OR4D11: variants seen among roughly 807,000 people sequenced by gnomAD.
OR4D11 encodes the protein olfactory receptor 4D11.
In OR4D11, 11 loss-of-function variants were observed where a neutral mutation model predicts 11.7. The ratio of observed to expected loss-of-function variants is 0.94; its 90% CI spans 0.59 to 1.56. The LOEUF (loss-of-function observed/expected upper bound fraction) is 1.56, where lower values mean the gene tolerates loss of function less well. Among genes scored for constraint, OR4D11 ranks in the 40% most tolerant of loss-of-function variants. The pLI, the probability that OR4D11 is intolerant of heterozygous loss-of-function variation, is 0.00. For missense variants in OR4D11, 384 were observed against 373.9 expected, an observed-to-expected ratio of 1.03 and a Z score of -0.22; for synonymous variants, 165 against 150.0, an observed-to-expected ratio of 1.10 and a Z score of -0.73.
chr11:59,504,509 T>A lies in OR4D11; in HGVS notation c.934T>A (p.Ter312LysextTer?), dbSNP rs747110047. 6.2e-7 allele frequency: 1 copy of A among 1,609,370 alleles called. No individual in the cohort carries two copies. Among genetic ancestry groups the A allele is most frequent in the Non-Finnish European group, 8.5e-7 (1 of 1,177,650 alleles). Residue 312 changes from the stop codon to lysine (K), a stop_lost, in exon 1 of 1, where the codon TAG becomes AAG. Transcript: ENST00000313253. ...KRRLVPSERE[*>K] ...AAGACTCGTGCCTTCTGAAAGGGAA[T>A]AGAAAACAAATCCAGGCCAGGCGCG... is the stretch of plus-strand genomic sequence containing the variant.
rs751958123 is a variant in OR4D11, at chr11:59,503,966, C to T, written c.391C>T (p.His131Tyr). Residue 131 changes from histidine to tyrosine, a missense_variant, in exon 1 of 1, where the codon CAC (histidine) becomes TAC (tyrosine). His to Tyr is a moderately conservative substitution (Grantham distance 83). Coordinates refer to ENST00000313253, the MANE Select transcript of OR4D11 (RefSeq NM_001004706.1). ...CTACATGGCCATCTCCAAGCCCCTG[C>T]ACTATGTGACCATCATGAGTAGAGG... ...DCYMAISKPL[H>Y]YVTIMSRGQC... 7.4e-6 allele frequency: 12 copies of T among 1,613,998 alleles called. No homozygotes were observed. The highest frequency in any genetic ancestry group is 2.2e-5 in the South Asian group (2 of 91,074).
rs111401744 is a variant in OR4D11 at position 59,503,720 on chromosome 11, G to A, written c.145G>A (p.Val49Met). Residue 49 changes from valine (V) to methionine (M), a missense_variant, in exon 1 of 1, where the codon GTG (valine) becomes ATG (methionine). Val to Met is a conservative substitution (Grantham distance 21). Transcript: ENST00000313253. ...GGGAAACCTCCTCATCATGGTCACC[G>A]TGACCTGTGAGTCTCGCCTTCACAC... ...LLGNLLIMVT[V>M]TCESRLHTPM... is the part of the protein sequence containing the mutation. 48 of 1,613,498 alleles carry A rather than the reference G, an allele frequency of 3.0e-5. No individual in the cohort carries two copies. The highest frequency in any genetic ancestry group is 2.8e-4 in the African/African-American group (21 of 74,954).
rs2134578012 is a variant in OR4D11, at chr11:59,504,331, G to A, written c.756G>A (p.Val252=). ...SHITVVTLHF[V]PCIYVYARPF... is the part of the protein sequence containing the mutation. ...TCACTGTGGTGACCCTGCATTTTGT[G>A]CCCTGCATCTATGTCTATGCCCGGC... Residue 252 remains valine (V), a synonymous_variant, in exon 1 of 1, where the codon GTG becomes GTA. Transcript: ENST00000313253. 2.5e-6 allele frequency: 4 copies of A among 1,614,036 alleles called. No individual in the cohort carries two copies. Among genetic ancestry groups the A allele is most frequent in the African/African-American group, 1.3e-5 (1 of 74,980 alleles).
In OR4D11 at chr11:59,504,011, T is replaced by C. The variant is rs374131982; in HGVS notation, c.436T>C (p.Ser146Pro). ...TAGAGGGCAATGCACTGCCCTCATCTCTGCCTCTTGGATGGGGGGCTTTGT... is the reference window on the plus strand; with the variant it reads ...TAGAGGGCAATGCACTGCCCTCATCCCTGCCTCTTGGATGGGGGGCTTTGT... ...MSRGQCTALI[S>P]ASWMGGFVHS... Residue 146 changes from serine (S) to proline (P), a missense_variant, in exon 1 of 1, where the codon TCT (serine) becomes CCT (proline). By Grantham distance (74) the Ser-to-Pro change is moderately conservative (BLOSUM62 -1). Transcript: ENST00000313253. 6.2e-7 allele frequency: 1 copy of C among 1,614,076 alleles called. No homozygotes were observed. The highest frequency in any genetic ancestry group is 8.5e-7 in the Non-Finnish European group (1 of 1,179,914).
Position 59,503,675 on chromosome 11 carries a change from G to A in OR4D11, c.100G>A (p.Val34Met). Residue 34 changes from valine (V) to methionine (M), a missense_variant, in exon 1 of 1, where the codon GTG (valine) becomes ATG (methionine). Physicochemically the swap from Val to Met is conservative, Grantham distance 21 (BLOSUM62 1). Transcript: ENST00000313253. The stretch of plus-strand genomic sequence containing the variant: ...GGTCTTGTTTCTTTTTTTATGTCTT[G>A]TGTACATGACGACTCTGCTGGGAAA... ...SLVLFLFLCL[V>M]YMTTLLGNLL... 6.2e-7 allele frequency: 1 copy of A among 1,603,338 alleles called. No individual in the cohort carries two copies.
At position 59,504,029 on chromosome 11, in the gene OR4D11, G is replaced by T. The variant is rs534499337; in HGVS notation, c.454G>T (p.Gly152Cys). The T allele has an allele frequency of 6.2e-7, 1 of 1,613,814 alleles. No homozygotes were observed. Among genetic ancestry groups the T allele is most frequent in the African/African-American group, 1.3e-5 (1 of 74,978 alleles). ...TALISASWMG[G>C]FVHSIVQISL... ...CCTCATCTCTGCCTCTTGGATGGGG[G>T]GCTTTGTCCACTCCATCGTGCAGAT... is the stretch of plus-strand genomic sequence containing the variant. The change falls in exon 1 of 1, where the codon GGC (glycine) becomes TGC (cysteine). Residue 152 changes from glycine to cysteine, a missense_variant. Coordinates refer to ENST00000313253, the MANE Select transcript of OR4D11 (RefSeq NM_001004706.1).
In OR4D11 at chr11:59,504,247, G is replaced by A. The variant is rs763784393; in HGVS notation, c.672G>A (p.Thr224=). 6.8e-5 allele frequency: 110 copies of A among 1,614,010 alleles called. No homozygotes were observed. Among genetic ancestry groups the A allele is most frequent in the Non-Finnish European group, 7.7e-5 (91 of 1,180,042 alleles). Reference sequence around the variant, plus strand: ...TGTCCTACACAGTCATCCTAATGACGCTGAGGTCTCAGGCAGGAGGGGGCA... The same window carrying A: ...TGTCCTACACAGTCATCCTAATGACACTGAGGTCTCAGGCAGGAGGGGGCA... ...LLVSYTVILM[T]LRSQAGGGRR... Residue 224 remains threonine, a synonymous_variant, in exon 1 of 1, where the codon ACG becomes ACA. Transcript: ENST00000313253.
rs751755458 is a variant in OR4D11, at chr11:59,504,252, G to A, written c.677G>A (p.Arg226Lys). 1 of 1,614,146 alleles carries A rather than the reference G, an allele frequency of 6.2e-7. No individual in the cohort carries two copies. Among genetic ancestry groups the A allele is most frequent in the Non-Finnish European group, 8.5e-7 (1 of 1,180,036 alleles). Residue 226 changes from arginine to lysine, a missense_variant, in exon 1 of 1, where the codon AGG (arginine) becomes AAG (lysine). Arg to Lys is a conservative substitution (Grantham distance 26). Coordinates refer to ENST00000313253, the MANE Select transcript of OR4D11 (RefSeq NM_001004706.1). ...TACACAGTCATCCTAATGACGCTGA[G>A]GTCTCAGGCAGGAGGGGGCAGGAGG... is the stretch of plus-strand genomic sequence containing the variant. ...VSYTVILMTL[R>K]SQAGGGRRKA... is the part of the protein sequence containing the mutation.
rs150795777 is a variant in OR4D11, at chr11:59,504,474, G to T, written c.899G>T (p.Arg300Ile). Reference sequence around the variant, plus strand: ...CAGGAAATGAAGTCAGCCATGAGAAGACTGAAGAGAAGACTCGTGCCTTCT... The same window carrying T: ...CAGGAAATGAAGTCAGCCATGAGAATACTGAAGAGAAGACTCGTGCCTTCT... ...RNQEMKSAMR[R>I]LKRRLVPSER... Residue 300 changes from arginine to isoleucine, a missense_variant, in exon 1 of 1, where the codon AGA becomes ATA. By Grantham distance (97) the Arg-to-Ile change is moderately conservative. Coordinates refer to ENST00000313253, the MANE Select transcript of OR4D11 (RefSeq NM_001004706.1). The T allele has an allele frequency of 1.4e-5, 23 of 1,614,030 alleles. No individual in the cohort carries two copies. The highest frequency in any genetic ancestry group is 2.2e-5 in the East Asian group (1 of 44,872).
In OR4D11 at chr11:59,503,730, A is replaced by T. The variant is rs200946322; in HGVS notation, c.155A>T (p.Glu52Val). Residue 52 changes from glutamate to valine, a missense_variant, in exon 1 of 1, where the codon GAG (glutamate) becomes GTG (valine). By Grantham distance (121) the Glu-to-Val change is moderately radical. Transcript: ENST00000313253. The stretch of plus-strand genomic sequence containing the variant: ...CTCATCATGGTCACCGTGACCTGTG[A>T]GTCTCGCCTTCACACCCCCATGTAC... ...NLLIMVTVTC[E>V]SRLHTPMYFL... The T allele has an allele frequency of 6.2e-7, 1 of 1,613,716 alleles. No individual in the cohort carries two copies. Among genetic ancestry groups the T allele is most frequent in the Non-Finnish European group, 8.5e-7 (1 of 1,179,752 alleles).
In OR4D11 at chr11:59,503,843, A is replaced by G; in HGVS notation, c.268A>G (p.Lys90Glu). ...KVLLDLLSKK[K>E]TISYTSCMTQ... ...CTTGCTGGACCTTCTGTCAAAGAAA[A>G]AGACCATATCCTATACAAGCTGCAT... The change falls in exon 1 of 1, where the codon AAG becomes GAG. Residue 90 changes from lysine (K) to glutamate (E), a missense_variant. By Grantham distance (56) the Lys-to-Glu change is moderately conservative (BLOSUM62 1). Coordinates refer to ENST00000313253, the MANE Select transcript of OR4D11 (RefSeq NM_001004706.1). 6.2e-7 allele frequency: 1 copy of G among 1,614,054 alleles called. No individual in the cohort carries two copies. The highest frequency in any genetic ancestry group is 1.3e-5 in the African/African-American group (1 of 75,028).
chr11:59,504,504 G>A lies in OR4D11; in HGVS notation c.929G>A (p.Arg310Lys). ...AAGAGAAGACTCGTGCCTTCTGAAAGGGAATAGAAAACAAATCCAGGCCAG... is the reference window on the plus strand; with the variant it reads ...AAGAGAAGACTCGTGCCTTCTGAAAAGGAATAGAAAACAAATCCAGGCCAG... ...RLKRRLVPSE[R>K]E Residue 310 changes from arginine to lysine, a missense_variant, in exon 1 of 1, where the codon AGG (arginine) becomes AAG (lysine). Coordinates refer to ENST00000313253, the MANE Select transcript of OR4D11 (RefSeq NM_001004706.1). 2 of 1,610,880 alleles carry A rather than the reference G, an allele frequency of 1.2e-6. No homozygotes were observed. The highest frequency in any genetic ancestry group is 1.7e-6 in the Non-Finnish European group (2 of 1,178,400).
In OR4D11 at chr11:59,504,506, G is replaced by C. The variant is rs775629515; in HGVS notation, c.931G>C (p.Glu311Gln). 155 of 1,610,214 alleles carry C rather than the reference G, an allele frequency of 9.6e-5. 2 individuals carry two copies. In the South Asian group the frequency reaches 1.6e-3, roughly 17 times the overall value. Residue 311 changes from glutamate to glutamine, a missense_variant, in exon 1 of 1, where the codon GAA becomes CAA. Coordinates refer to ENST00000313253, the MANE Select transcript of OR4D11 (RefSeq NM_001004706.1). ...GAGAAGACTCGTGCCTTCTGAAAGG[G>C]AATAGAAAACAAATCCAGGCCAGGC... ...LKRRLVPSER[E>Q]
rs1261811795 is a variant in OR4D11 at position 59,503,960 on chromosome 11, C to T, written c.385C>T (p.Pro129Ser). The change falls in exon 1 of 1, where the codon CCC becomes TCC. Residue 129 changes from proline to serine, a missense_variant. Coordinates refer to ENST00000313253, the MANE Select transcript of OR4D11 (RefSeq NM_001004706.1). ...TGACTGCTACATGGCCATCTCCAAG[C>T]CCCTGCACTATGTGACCATCATGAG... ...AFDCYMAISK[P>S]LHYVTIMSRG... 1 of 1,614,054 alleles carries T rather than the reference C, an allele frequency of 6.2e-7. No individual in the cohort carries two copies. The highest frequency in any genetic ancestry group is 1.7e-5 in the Admixed American group (1 of 60,008).
In OR4D11 at chr11:59,503,590, T is replaced by G; in HGVS notation, c.15T>G (p.Asn5Lys). Reference sequence around the variant, plus strand: ...AACATGATTCAATGGAGTTGGGAAATGTCACCAGAGTAAAAGAATTTATAT... The same window carrying G: ...AACATGATTCAATGGAGTTGGGAAAGGTCACCAGAGTAAAAGAATTTATAT... MELG[N>K]VTRVKEFIFL... The change falls in exon 1 of 1, where the codon AAT (asparagine) becomes AAG (lysine). Residue 5 changes from asparagine to lysine, a missense_variant. Physicochemically the swap from Asn to Lys is moderately conservative, Grantham distance 94. Coordinates refer to ENST00000313253, the MANE Select transcript of OR4D11 (RefSeq NM_001004706.1). 7.0e-7 allele frequency: 1 copy of G among 1,422,720 alleles called. No individual in the cohort carries two copies. The allele number at this position is 1,422,720 out of a possible 1,614,324, so 88.1% of individuals were successfully genotyped here. A position where few individuals can be genotyped will look rare whatever the true frequency, so the allele number is the denominator to read the frequency against.
rs145476608 is a variant in OR4D11 at position 59,503,766 on chromosome 11, G to A, written c.191G>A (p.Arg64His). 510 of 1,613,302 alleles carry A rather than the reference G, an allele frequency of 3.2e-4. No homozygotes were observed. The Admixed American group carries it at 5.2e-3, about 17-fold the overall frequency. Residue 64 changes from arginine (R) to histidine (H), a missense_variant, in exon 1 of 1, where the codon CGC becomes CAC. Coordinates refer to ENST00000313253, the MANE Select transcript of OR4D11 (RefSeq NM_001004706.1). ...CACACCCCCATGTACTTCCTGCTCC[G>A]CAATCTAGCCATCCTTGACATCTGC... ...RLHTPMYFLL[R>H]NLAILDICFS...
At position 59,504,223 on chromosome 11, in the gene OR4D11, G is replaced by C; in HGVS notation, c.648G>C (p.Val216=). Residue 216 remains valine (V), a synonymous_variant, in exon 1 of 1, where the codon GTG becomes GTC. Coordinates refer to ENST00000313253, the MANE Select transcript of OR4D11 (RefSeq NM_001004706.1). ...CCCTGTGGTTTATCTTCCTGCTTGT[G>C]TCCTACACAGTCATCCTAATGACGC... ...VTTLWFIFLL[V]SYTVILMTLR... is the part of the protein sequence containing the mutation. 5 of 1,614,158 alleles carry C rather than the reference G, an allele frequency of 3.1e-6. No individual in the cohort carries two copies. The highest frequency in any genetic ancestry group is 4.2e-6 in the Non-Finnish European group (5 of 1,180,024).
In OR4D11 at chr11:59,503,745, C is replaced by T. The variant is rs1443091591; in HGVS notation, c.170C>T (p.Thr57Ile). 1.9e-6 allele frequency: 3 copies of T among 1,613,590 alleles called. No homozygotes were observed. In the Admixed American group the frequency reaches 5.0e-5, roughly 27 times the overall value. Residue 57 changes from threonine (T) to isoleucine (I), a missense_variant, in exon 1 of 1, where the codon ACC (threonine) becomes ATC (isoleucine). Transcript: ENST00000313253. Reference protein sequence around the residue: ...VTVTCESRLHTPMYFLLRNLA... With the variant: ...VTVTCESRLHIPMYFLLRNLA... ...GTGACCTGTGAGTCTCGCCTTCACA[C>T]CCCCATGTACTTCCTGCTCCGCAAT... is the stretch of plus-strand genomic sequence containing the variant.
In OR4D11 at chr11:59,504,418, G is replaced by C. The variant is rs907932685; in HGVS notation, c.843G>C (p.Leu281=). The C allele has an allele frequency of 1.3e-6, 2 of 1,573,392 alleles. No individual in the cohort carries two copies. Among genetic ancestry groups the C allele is most frequent in the African/African-American group, 2.7e-5 (2 of 72,758 alleles). The change falls in exon 1 of 1, where the codon CTG becomes CTC. Residue 281 remains leucine (L), a synonymous_variant. Transcript: ENST00000313253. ...TCACCTTCACTGTCATCTCCCCTCT[G>C]CTGAACCCTTTGATCTACACTCTGA... ...ISVTFTVISP[L]LNPLIYTLRN... is the part of the protein sequence containing the mutation.
Sources: gnomAD v4.1 joint callset for allele counts on GRCh38, gnomAD v4.1.1 for gene constraint, MANE v1.5 for transcripts, NCBI Gene and HGNC (gene_info 2026-07-23, HGNC 2026-07-21) for gene names.